The following VPS39 variants were observed in gnomAD, a reference collection of about 807,000 sequenced individuals.
VPS39 encodes VPS39 subunit of HOPS complex.
In VPS39, 70 loss-of-function variants were observed where a neutral mutation model predicts 121.0. The ratio of observed to expected loss-of-function variants is 0.58; its 90% CI spans 0.48 to 0.71. The LOEUF is 0.71. VPS39 is among the 30% of genes least tolerant of loss of function. The pLI, the probability that VPS39 is intolerant of heterozygous loss-of-function variation, is 0.00. For synonymous variants in VPS39, 378 were observed against 398.1 expected (o/e 0.95, Z 0.60); for missense variants, 818 against 1,051.5 (o/e 0.78, Z 3.07).
At chr15:42,178,051 T>C (rs181652158) in intron 10 of VPS39, among the ~76,000 whole-genome samples, 167 bp downstream of exon 10, 1 of 115,568 alleles carries the variant, frequency 8.7e-6, no homozygotes, top group Non-Finnish European at 1.7e-5. Context: ...TAAACTCACT[T>C]AGAGTTACAT....
At chr15:42,189,577 A>G (rs1453786839) in intron 4 of VPS39, among the ~76,000 whole-genome samples, 1 of 151,776 alleles carries the variant, frequency 6.6e-6, no homozygotes, top group East Asian at 1.9e-4. Context: ...AAAAATACAA[A>G]AATCAGCTGG....
chr15:42,163,418 A>G (rs1292247317), intron 20 of VPS39, 23 bp from the exon 21 acceptor site: 4 of 1,613,920 alleles, frequency 2.5e-6, no homozygotes, highest in East Asian at 2.2e-5. Flanking sequence ...GAGTGGTGAG[A>G]GCAGGTGGTG....
intron 7 of VPS39, among the ~76,000 whole-genome samples, chr15:42,186,440 CAAATA>C (rs1290367547): frequency 6.6e-6 from 1 of 151,986 alleles, no homozygotes; most frequent in African/African-American, 2.4e-5. Context: ...TACCCTGTCT[CAAATA>C]AAATAAAATA....
At chr15:42,181,103 T>A (rs1265192430) in intron 8 of VPS39, among the ~76,000 whole-genome samples, 1 of 152,190 alleles carries the variant, frequency 6.6e-6, no homozygotes, top group Non-Finnish European at 1.5e-5. Context: ...CAGCAGCCAA[T>A]GGTGAAAGTA....
chr15:42,165,243 TAA>T (rs1334261800), intron 17 of VPS39, 130 bp from the exon 18 acceptor site: 2 of 829,020 alleles, frequency 2.4e-6, no homozygotes, highest in Non-Finnish European at 3.9e-6. Context: ...CAAAGATGAC[TAA>T]GAGACAGCTC....
At position 42,189,148 on chromosome 15, in the gene VPS39, G is replaced by C. The variant is rs1424334447; in HGVS notation, c.308C>G (p.Ala103Gly). The change falls in exon 5 of 25, where the codon GCA becomes GGA. Residue 103 changes from alanine to glycine, a missense_variant. By Grantham distance (60) the Ala-to-Gly change is moderately conservative. Transcript: ENST00000318006. ...ACAAGTAAACAGTGATGCTCCCTTTGCCTTTGAAACCGTAGTGATTTGTTG... is the reference window on the plus strand; with the variant it reads ...ACAAGTAAACAGTGATGCTCCCTTTCCCTTTGAAACCGTAGTGATTTGTTG... ...TFQQITTVSKAKGASLFTCDL... is the reference protein window; with the variant it reads ...TFQQITTVSKGKGASLFTCDL... 2 of 1,613,892 alleles carry C rather than the reference G, an allele frequency of 1.2e-6. No homozygotes were observed. The highest frequency in any genetic ancestry group is 1.7e-5 in the Admixed American group (1 of 60,004).
chr15:42,161,051 T>C (rs925769848), intron 24 of VPS39: 1 of 544,358 alleles, frequency 1.8e-6, no homozygotes, highest in Admixed American at 3.1e-5. Context: ...TAAGAGTGCA[T>C]GGGGTATTTT....
intron 17 of VPS39, 89 bp from the exon 18 acceptor site, chr15:42,165,202 G>A (rs2049218211): frequency 1.6e-6 from 2 of 1,225,896 alleles, no homozygotes; most frequent in South Asian, 1.3e-5. Context: ...GGCCCAACAG[G>A]TCCCATCCAG....
At chr15:42,165,491 T>C (rs2049224152) in intron 17 of VPS39, 1 of 489,836 alleles carries the variant, frequency 2.0e-6, no homozygotes, top group African/African-American at 1.9e-5. Flanking sequence ...GGAATTTTTT[T>C]TTCTAAAACA....
At chr15:42,197,544 C>G (rs2049969170) in intron 2 of VPS39, among the ~76,000 whole-genome samples, 2 of 151,988 alleles carry the variant, frequency 1.3e-5, no homozygotes, top group South Asian at 4.1e-4. Flanking sequence ...CACAGCAAGA[C>G]CCTGTCTCAA....
chr15:42,198,725 A>G (rs1361296436), intron 2 of VPS39, among the ~76,000 whole-genome samples: 1 of 152,202 alleles, frequency 6.6e-6, no homozygotes, highest in Non-Finnish European at 1.5e-5. Flanking sequence ...ATGTTTTTGT[A>G]AATAAAGTTT....
At chr15:42,163,783 G>C in intron 19 of VPS39, 55 bp from the exon 20 acceptor site, 1 of 1,325,344 alleles carries the variant, frequency 7.5e-7, no homozygotes, top group Non-Finnish European at 1.1e-6. Context: ...AGCACAAGGT[G>C]GGGGCTATGC....
chr15:42,185,545 T>A (rs1014881120), intron 7 of VPS39, among the ~76,000 whole-genome samples: 4 of 152,170 alleles, frequency 2.6e-5, no homozygotes, highest in Admixed American at 6.5e-5. Context: ...AGACTACTAT[T>A]CAGCCATGAG....
chr15:42,178,199 A>C lies in VPS39; in HGVS notation c.960+19T>G. On this transcript the variant is annotated intron_variant, in intron 10 of 24. Transcript: ENST00000318006. ...TCAAGAACAATAAGGAAGGAAGACTAGTCAGGAACAAGACTTACTGCGAGC... is the reference window on the plus strand; with the variant it reads ...TCAAGAACAATAAGGAAGGAAGACTCGTCAGGAACAAGACTTACTGCGAGC... 6.2e-7 allele frequency: 1 copy of C among 1,613,986 alleles called. No homozygotes were observed. Among genetic ancestry groups the C allele is most frequent in the Non-Finnish European group, 8.5e-7 (1 of 1,179,950 alleles).
At position 42,169,723 on chromosome 15, in the gene VPS39, C is replaced by T; in HGVS notation, c.1233+1G>A. On this transcript the variant is annotated splice_donor_variant, in intron 12 of 24. Coordinates refer to ENST00000318006, the MANE Select transcript of VPS39 (RefSeq NM_015289.5). LOFTEE classifies it high-confidence loss of function. Reference sequence around the variant, plus strand: ...TTTCACGCACTCTGTACTATACCTACCTGTGTCAGGTAGTCAATCAGAGCT... The same window carrying T: ...TTTCACGCACTCTGTACTATACCTATCTGTGTCAGGTAGTCAATCAGAGCT... 6.2e-7 allele frequency: 1 copy of T among 1,613,796 alleles called. No homozygotes were observed. Among genetic ancestry groups the T allele is most frequent in the Non-Finnish European group, 8.5e-7 (1 of 1,179,990 alleles).
At chr15:42,186,291 T>C (rs1398841498) in intron 7 of VPS39, among the ~76,000 whole-genome samples, 1 of 141,632 alleles carries the variant, frequency 7.1e-6, no homozygotes. Context: ...AAAAAAAAAA[T>C]ACAAAAATTA....
rs978885015 is a variant in VPS39 at position 42,205,710 on chromosome 15, T to C, written c.73+2371A>G. The stretch of plus-strand genomic sequence containing the variant: ...GATTTAGGTTTTCAAAGTTTCACTC[T>C]ACCTGGTAGACAAAAAACTGAAAAT... On this transcript the variant is annotated intron_variant, in intron 1 of 24. Transcript: ENST00000318006. Among the ~76,000 whole-genome samples the C allele has an allele frequency of 2.6e-5, 4 of 152,190 alleles. No individual in the cohort carries two copies. In the South Asian group the frequency reaches 8.3e-4, roughly 32 times the overall value.
At chr15:42,196,813 C>T (rs915506286) in intron 2 of VPS39, among the ~76,000 whole-genome samples, 84 of 152,130 alleles carry the variant, frequency 5.5e-4, no homozygotes, top group Admixed American at 5.4e-3. Flanking sequence ...ACCCAGCCAT[C>T]CCATTACTGA....
intron 12 of VPS39, among the ~76,000 whole-genome samples, chr15:42,168,419 AC>A (rs2049286792): frequency 6.6e-6 from 1 of 152,028 alleles, no homozygotes; most frequent in African/African-American, 2.4e-5. Context: ...CCAGGAGGGT[AC>A]CCCTGGAGCC....
Sources: allele counts gnomAD v4.1 joint callset (sites outside exome capture counted in the v4.1 genomes callset), GRCh38; gene constraint gnomAD v4.1.1; transcripts MANE v1.5; gene names NCBI Gene and HGNC (gene_info 2026-07-23, HGNC 2026-07-21).